Variants in DPY19L4 observed in about 807,000 individuals in gnomAD.
DPY19L4 encodes dpy-19 like 4.
Under a neutral mutation model 102.8 loss-of-function variants are expected in DPY19L4, and 97 were observed. The ratio of observed to expected loss-of-function variants is 0.94; its 90% CI spans 0.80 to 1.12. The LOEUF is 1.12. Ranked by LOEUF, DPY19L4 falls within the 50% of genes most tolerant of loss-of-function variation. DPY19L4 has a pLI of 0.00. For missense variants in DPY19L4, 815 were observed against 850.4 expected (o/e 0.96, Z 0.52); for synonymous variants, 252 against 283.1 (o/e 0.89, Z 1.10).
In DPY19L4 at chr8:94,766,617, T is replaced by C. The variant is rs945197426; in HGVS notation, c.1107T>C (p.Phe369=). ...TITLNIIMKM[F]VPHKENGHML... ...CTGGTGTTTTTCTCTTCTAGATGTT[T>C]GTCCCACACAAAGAAAATGGGCACA... The change falls in exon 11 of 19, where the codon TTT becomes TTC. Residue 369 remains phenylalanine (F), a synonymous_variant. Transcript: ENST00000414645. The C allele has an allele frequency of 1.1e-5, 18 of 1,613,814 alleles. No individual in the cohort carries two copies. The Admixed American group carries it at 1.3e-4, about 12-fold the overall frequency.
At chr8:94,770,626 G>C (rs1316175992) in intron 13 of DPY19L4, 55 bp downstream of exon 13, 22 of 1,603,432 alleles carry the variant, frequency 1.4e-5, no homozygotes, top group Non-Finnish European at 1.9e-5. Context: ...GGCTGAGTGC[G>C]GTGACTCACA....
chr8:94,768,576 C>A, intron 12 of DPY19L4, 23 bp downstream of exon 12: 6 of 1,279,826 alleles, frequency 4.7e-6, no homozygotes, highest in Non-Finnish European at 6.4e-6. Context: ...GAGAATCAAT[C>A]ATATTACTAA....
chr8:94,784,576 C>T (rs1813578257), intron 17 of DPY19L4, among the ~76,000 whole-genome samples: 1 of 152,146 alleles, frequency 6.6e-6, no homozygotes, highest in Non-Finnish European at 1.5e-5. Flanking sequence ...TTACAGGCAC[C>T]AGCCACCATG....
At chr8:94,765,943 T>A in intron 10 of DPY19L4, 134 bp downstream of exon 10, 1 of 553,026 alleles carries the variant, frequency 1.8e-6, no homozygotes, top group South Asian at 2.4e-5. Flanking sequence ...ACAACAATCA[T>A]AACTAGCATA....
chr8:94,752,654 T>C (rs1333564203), intron 6 of DPY19L4, among the ~76,000 whole-genome samples: 1 of 146,554 alleles, frequency 6.8e-6, no homozygotes. Flanking sequence ...TTATTAGTTT[T>C]AGTATTTTTT....
At position 94,734,689 on chromosome 8, in the gene DPY19L4, G is replaced by A. The variant is rs774851948; in HGVS notation, c.187G>A (p.Gly63Ser). 3 of 1,613,962 alleles carry A rather than the reference G, an allele frequency of 1.9e-6. No homozygotes were observed. The highest frequency in any genetic ancestry group is 2.2e-5 in the South Asian group (2 of 91,068). Reference sequence around the variant, plus strand: ...TGGCTGTCTTGCAGCGGTTACTAGTGGTATGATGTATGCTCTCTACTTATC... The same window carrying A: ...TGGCTGTCTTGCAGCGGTTACTAGTAGTATGATGTATGCTCTCTACTTATC... ...FIGCLAAVTS[G>S]MMYALYLSAY... The change falls in exon 3 of 19, where the codon GGT (glycine) becomes AGT (serine). Residue 63 changes from glycine to serine, a missense_variant. Transcript: ENST00000414645.
intron 6 of DPY19L4, chr8:94,744,421 G>A: frequency 2.2e-6 from 1 of 456,694 alleles, no homozygotes; most frequent in South Asian, 1.5e-5. Context: ...CACAATGGAA[G>A]CCAGGTATCT....
chr8:94,744,774 G>T, intron 6 of DPY19L4: 1 of 341,362 alleles, frequency 2.9e-6, no homozygotes, highest in Non-Finnish European at 5.8e-6. Flanking sequence ...ACAGAAGTCT[G>T]ACTGCCTTAT....
At chr8:94,762,615 G>A (rs950975389) in intron 8 of DPY19L4, among the ~76,000 whole-genome samples, 6 of 152,130 alleles carry the variant, frequency 3.9e-5, no homozygotes, top group East Asian at 1.9e-4. Flanking sequence ...AAAATAGAAC[G>A]TAAGCCAGGT....
intron 2 of DPY19L4, among the ~76,000 whole-genome samples, chr8:94,727,149 A>G (rs1810725566): frequency 6.6e-6 from 1 of 152,244 alleles, no homozygotes; most frequent in South Asian, 2.1e-4. Flanking sequence ...GGGGTTCCCC[A>G]GAACACCCCC....
chr8:94,745,538 G>A (rs1476692299), intron 6 of DPY19L4, among the ~76,000 whole-genome samples: 1 of 152,156 alleles, frequency 6.6e-6, no homozygotes, highest in Non-Finnish European at 1.5e-5. Flanking sequence ...GCAAGGAAAT[G>A]TACATGTCCC....
At chr8:94,764,309 G>A (rs1000876944) in intron 8 of DPY19L4, among the ~76,000 whole-genome samples, 12 of 152,062 alleles carry the variant, frequency 7.9e-5, no homozygotes, top group African/African-American at 1.9e-4. Flanking sequence ...CGGGTGTGTG[G>A]CTCACGCCTG....
chr8:94,765,386 C>T (rs1156260803), intron 9 of DPY19L4, 72 bp downstream of exon 9: 1 of 1,447,242 alleles, frequency 6.9e-7, no homozygotes, highest in Admixed American at 2.1e-5. Context: ...ACTCTGTTGC[C>T]CAGGCTGGAG....
At chr8:94,766,562 T>A (rs1158149290) in intron 10 of DPY19L4, 50 bp from the exon 11 acceptor site, 2 of 1,557,910 alleles carry the variant, frequency 1.3e-6, no homozygotes, top group African/African-American at 2.7e-5. Context: ...AGCATATGTT[T>A]GTAAGCATAG....
rs1813908214 is a variant in DPY19L4, at chr8:94,792,265, CTT to C, written c.*2356_*2357del. On this transcript the variant is annotated 3_prime_UTR_variant, in exon 19 of 19. Transcript: ENST00000414645. ...TATTTTTTTGAGATGGAGTTTCACT[CTT>C]GTCTCCCAGGCTGGAGTGCAATGGC... 2 of 151,918 alleles carry C rather than the reference CTT, an allele frequency of 1.3e-5. No homozygotes were observed. Among genetic ancestry groups the C allele is most frequent in the African/African-American group, 4.8e-5 (2 of 41,380 alleles). The allele number at this position is 151,918 out of a possible 1,614,324, so 9.4% of individuals were successfully genotyped here.
intron 2 of DPY19L4, among the ~76,000 whole-genome samples, chr8:94,733,323 C>T (rs903134368): frequency 5.3e-5 from 8 of 151,526 alleles, no homozygotes; most frequent in African/African-American, 1.7e-4. Context: ...GACGGGGTTT[C>T]ACCGTGTTAG....
At chr8:94,760,855 A>G (rs1812365977) in intron 7 of DPY19L4, among the ~76,000 whole-genome samples, 1 of 152,238 alleles carries the variant, frequency 6.6e-6, no homozygotes, top group Non-Finnish European at 1.5e-5. Context: ...TTTGAAGGAC[A>G]GAATTGACTT....
chr8:94,761,579 C>T (rs1041061709), intron 7 of DPY19L4, 121 bp from the exon 8 acceptor site: 1 of 889,614 alleles, frequency 1.1e-6, no homozygotes, highest in African/African-American at 1.7e-5. Flanking sequence ...AACAAAGTTT[C>T]AATAATTATA....
At chr8:94,751,248 A>G (rs1278818712) in intron 6 of DPY19L4, among the ~76,000 whole-genome samples, 12 of 149,076 alleles carry the variant, frequency 8.0e-5, no homozygotes, top group African/African-American at 2.7e-4. Flanking sequence ...CCTCCCGAGT[A>G]GCTGGGACTA....
Sources: allele counts gnomAD v4.1 joint callset (sites outside exome capture counted in the v4.1 genomes callset), GRCh38; gene constraint gnomAD v4.1.1; transcripts MANE v1.5; gene names NCBI Gene and HGNC (gene_info 2026-07-23, HGNC 2026-07-21).